PARP15: variants seen among roughly 807,000 people sequenced by gnomAD.
PARP15 encodes poly(ADP-ribose) polymerase family member 15, also known as protein mono-ADP-ribosyltransferase PARP15.
Under a neutral mutation model 62.1 loss-of-function variants are expected in PARP15, and 50 were observed. The observed-to-expected ratio is 0.81, with a 90% CI of 0.64 to 1.02. The LOEUF is 1.02. Among genes scored for constraint, PARP15 ranks in the 50% least tolerant of loss-of-function variants. The pLI is 0.00. For synonymous variants in PARP15, 309 were observed against 293.1 expected (o/e 1.05, Z -0.55); for missense variants, 820 against 826.5 (o/e 0.99, Z 0.10).
At chr3:122,595,079 A>G (rs1199539938) in intron 1 of PARP15, among the ~76,000 whole-genome samples, 3 of 152,074 alleles carry the variant, frequency 2.0e-5, no homozygotes, top group African/African-American at 7.2e-5. Flanking sequence ...TGATAAGGAA[A>G]CCCATCAAAG....
At chr3:122,612,110 C>T (rs1179321571) in intron 3 of PARP15, among the ~76,000 whole-genome samples, 1 of 151,454 alleles carries the variant, frequency 6.6e-6, no homozygotes, top group South Asian at 2.1e-4. Context: ...GGCTGGAGTG[C>T]AGTGGCGCGA....
chr3:122,610,388 AG>A, intron 2 of PARP15, 105 bp from the exon 3 acceptor site: 1 of 1,028,948 alleles, frequency 9.7e-7, no homozygotes. Flanking sequence ...TTAGTATGAC[AG>A]GCAAAACATA....
intron 1 of PARP15, among the ~76,000 whole-genome samples, chr3:122,579,995 A>G (rs1336404909): frequency 2.2e-4 from 12 of 55,522 alleles, no homozygotes; most frequent in Non-Finnish European, 4.3e-4. Context: ...AACAGCAACT[A>G]TATGTATATA....
intron 4 of PARP15, 63 bp from the exon 5 acceptor site, chr3:122,615,716 C>T (rs779329407): frequency 3.7e-6 from 6 of 1,605,334 alleles, no homozygotes; most frequent in Non-Finnish European, 5.1e-6. Flanking sequence ...ATCAATGCTC[C>T]AAAGAATTGG....
intron 8 of PARP15, among the ~76,000 whole-genome samples, chr3:122,625,789 C>G (rs1022373501): frequency 6.6e-6 from 1 of 152,186 alleles, no homozygotes; most frequent in African/African-American, 2.4e-5. Context: ...CTTCAGCCCC[C>G]CGTCCATGGC....
chr3:122,587,426 G>T (rs1246689404), intron 1 of PARP15, among the ~76,000 whole-genome samples: 1 of 152,184 alleles, frequency 6.6e-6, no homozygotes, highest in Admixed American at 6.5e-5. Context: ...ACAAATGAGT[G>T]TTCCTGTTGC....
At chr3:122,618,273 G>C (rs1035326319) in intron 6 of PARP15, among the ~76,000 whole-genome samples, 1 of 151,982 alleles carries the variant, frequency 6.6e-6, no homozygotes, top group Non-Finnish European at 1.5e-5. Context: ...ATTTATCCCT[G>C]TCCCCTTTTG....
chr3:122,624,383 C>T (rs895407084), intron 8 of PARP15, among the ~76,000 whole-genome samples: 4 of 152,124 alleles, frequency 2.6e-5, no homozygotes, highest in Non-Finnish European at 5.9e-5. Context: ...TCGAGTTTGA[C>T]CAGGACTTTC....
rs761745098 is a variant in PARP15, at chr3:122,636,125, G to T, written c.*25G>T. 3 of 1,583,818 alleles carry T rather than the reference G, an allele frequency of 1.9e-6. No homozygotes were observed. Among genetic ancestry groups the T allele is most frequent in the Admixed American group, 1.7e-5 (1 of 58,814 alleles). Reference sequence around the variant, plus strand: ...AAAATATTTTTATCATCAAAGAGATGATTTAAGTCATCTGTAAGAACAACA... The same window carrying T: ...AAAATATTTTTATCATCAAAGAGATTATTTAAGTCATCTGTAAGAACAACA... On this transcript the variant is annotated 3_prime_UTR_variant, in exon 12 of 12. Transcript: ENST00000464300.
intron 7 of PARP15, among the ~76,000 whole-genome samples, chr3:122,620,074 C>T (rs1027798875): frequency 1.3e-5 from 2 of 152,126 alleles, no homozygotes; most frequent in African/African-American, 4.8e-5. Flanking sequence ...AAAAAGAACC[C>T]AGGCCTGGGT....
chr3:122,599,473 CCT>C (rs1412951131), intron 1 of PARP15, among the ~76,000 whole-genome samples: 1 of 151,802 alleles, frequency 6.6e-6, no homozygotes, highest in Non-Finnish European at 1.5e-5. Context: ...CTCTCTCTCC[CCT>C]CTCTCTCTTT....
At chr3:122,626,537 T>C (rs1312147197) in intron 8 of PARP15, among the ~76,000 whole-genome samples, 1 of 152,160 alleles carries the variant, frequency 6.6e-6, no homozygotes, top group South Asian at 2.1e-4. Flanking sequence ...AGGGAGATAT[T>C]TGGCCATCTC....
At chr3:122,593,295 T>A (rs1934090628) in intron 1 of PARP15, among the ~76,000 whole-genome samples, 1 of 152,078 alleles carries the variant, frequency 6.6e-6, no homozygotes. Flanking sequence ...CCCGCCACCA[T>A]GCCTGGCTAA....
At chr3:122,592,827 G>A (rs1934032358) in intron 1 of PARP15, among the ~76,000 whole-genome samples, 1 of 152,114 alleles carries the variant, frequency 6.6e-6, no homozygotes, top group Non-Finnish European at 1.5e-5. Flanking sequence ...TAATGGTGGA[G>A]CTGGGATTCA....
intron 1 of PARP15, among the ~76,000 whole-genome samples, chr3:122,604,523 G>C (rs536274778): frequency 1.3e-5 from 2 of 152,212 alleles, no homozygotes; most frequent in East Asian, 3.9e-4. Flanking sequence ...TTTGAGACCA[G>C]CCTGGTCAAC....
chr3:122,577,830 C>A lies in PARP15; in HGVS notation c.163C>A (p.Arg55=). 1 of 1,550,050 alleles carries A rather than the reference C, an allele frequency of 6.5e-7. No homozygotes were observed. Among genetic ancestry groups the A allele is most frequent in the Non-Finnish European group, 8.7e-7 (1 of 1,146,122 alleles). ...GAACCGTGGGGCGCGGAAGGCCTCC[C>A]GGCGCTCTTCCTCCCGGAGTATGGT... ...AGNRGARKAS[R]RSSSRSMSRD... Residue 55 remains arginine, a synonymous_variant, in exon 1 of 12, where the codon CGG becomes AGG. Coordinates refer to ENST00000464300, the MANE Select transcript of PARP15 (RefSeq NM_001113523.3).
intron 8 of PARP15, 36 bp from the exon 9 acceptor site, chr3:122,626,791 G>A (rs781751908): frequency 1.1e-5 from 17 of 1,580,426 alleles, no homozygotes; most frequent in Admixed American, 7.0e-5. Flanking sequence ...TAGCAACATC[G>A]GGGGAAACTT....
At chr3:122,579,836 A>G (rs1186893748) in intron 1 of PARP15, among the ~76,000 whole-genome samples, 1 of 151,072 alleles carries the variant, frequency 6.6e-6, no homozygotes, top group Admixed American at 6.6e-5. Context: ...AAAATTAGCC[A>G]GGCATGGTGG....
intron 1 of PARP15, among the ~76,000 whole-genome samples, chr3:122,584,573 C>CTTTTTTTTTTTTTTTTTTTTTTTTTT (rs377394521): frequency 7.3e-6 from 1 of 136,908 alleles, no homozygotes; most frequent in African/African-American, 2.8e-5. Flanking sequence ...CCATTTCTTT[C>CTTTTTTTTTTTTTTTTTTTTTTTTTT]CTTTTTTTTT....
Sources: allele counts gnomAD v4.1 joint callset (sites outside exome capture counted in the v4.1 genomes callset), GRCh38; gene constraint gnomAD v4.1.1; transcripts MANE v1.5; gene names NCBI Gene and HGNC (gene_info 2026-07-23, HGNC 2026-07-21).